XKR9: variants seen among roughly 807,000 people sequenced by gnomAD.
XKR9 encodes XK related 9.
A neutral mutation model predicts 32.0 loss-of-function variants in XKR9; 32 were observed. The ratio of observed to expected loss-of-function variants is 1.00; its 90% CI spans 0.76 to 1.34. XKR9 has a LOEUF of 1.34. XKR9 is among the 40% of genes most tolerant of loss of function. XKR9 has a pLI of 0.00. For synonymous variants in XKR9, 168 were observed against 143.4 expected (o/e 1.17, Z -1.22); for missense variants, 546 against 429.7 (o/e 1.27, Z -2.39).
At chr8:70,706,483 A>G (rs906862075) in intron 3 of XKR9, among the ~76,000 whole-genome samples, 4 of 152,124 alleles carry the variant, frequency 2.6e-5, no homozygotes, top group Admixed American at 2.0e-4. Context: ...GTTCAGATCA[A>G]TTGCATGAAT....
At chr8:70,950,029 G>T in the XKR9 span, among the ~76,000 whole-genome samples, 1 of 152,092 alleles carries the variant, frequency 6.6e-6, no homozygotes, top group Middle Eastern at 3.2e-3. Context: ...GCAGCCTTTC[G>T]CATTCCAGCA....
chr8:71,001,625 A>G, the XKR9 span, among the ~76,000 whole-genome samples: 1 of 152,120 alleles, frequency 6.6e-6, no homozygotes, highest in African/African-American at 2.4e-5. Context: ...ATGCTTACTC[A>G]AGTGAATCTA....
At chr8:70,938,269 G>T in the XKR9 span, among the ~76,000 whole-genome samples, 1 of 151,822 alleles carries the variant, frequency 6.6e-6, no homozygotes. Context: ...TGTGTATGCA[G>T]GTGTGCTTGT....
the XKR9 span, among the ~76,000 whole-genome samples, chr8:71,025,110 A>G: frequency 1.3e-5 from 2 of 152,238 alleles, no homozygotes; most frequent in Admixed American, 1.3e-4. Context: ...AAATAGGAGC[A>G]TAGAGACCTT....
the XKR9 span, among the ~76,000 whole-genome samples, chr8:70,885,433 A>G: frequency 5.9e-5 from 9 of 152,074 alleles, no homozygotes; most frequent in Non-Finnish European, 7.4e-5. Context: ...AAGTTCTGGG[A>G]TACATGTGCT....
chr8:70,673,209 C>A (rs1818775291), intron 1 of XKR9, among the ~76,000 whole-genome samples: 1 of 152,118 alleles, frequency 6.6e-6, no homozygotes. Context: ...TACGTTTAAT[C>A]CTTCTTGAGT....
At chr8:70,924,865 G>C in the XKR9 span, among the ~76,000 whole-genome samples, 3 of 152,198 alleles carry the variant, frequency 2.0e-5, no homozygotes, top group African/African-American at 7.2e-5. Context: ...CATTGTATGT[G>C]ACTACTTTTT....
chr8:71,049,218 G>A, the XKR9 span, among the ~76,000 whole-genome samples: 1 of 152,122 alleles, frequency 6.6e-6, no homozygotes, highest in Non-Finnish European at 1.5e-5. Context: ...CATTAAGTGA[G>A]GATTGATGGT....
At chr8:70,732,467 C>T (rs1344687473) in intron 4 of XKR9, among the ~76,000 whole-genome samples, 1 of 152,204 alleles carries the variant, frequency 6.6e-6, no homozygotes, top group African/African-American at 2.4e-5. Context: ...GGGCTGGCCT[C>T]TGGATCCATT....
At chr8:71,036,668 T>C in the XKR9 span, among the ~76,000 whole-genome samples, 1 of 152,212 alleles carries the variant, frequency 6.6e-6, no homozygotes, top group African/African-American at 2.4e-5. Flanking sequence ...TCAATCACAA[T>C]GGATGGTATG....
intron 4 of XKR9, among the ~76,000 whole-genome samples, chr8:70,714,612 T>G (rs1160959485): frequency 6.6e-6 from 1 of 152,128 alleles, no homozygotes; most frequent in Non-Finnish European, 1.5e-5. Context: ...CATTTTTCAA[T>G]TATTGTCAAA....
chr8:70,935,799 G>C, the XKR9 span, among the ~76,000 whole-genome samples: 3 of 151,970 alleles, frequency 2.0e-5, no homozygotes, highest in Admixed American at 1.3e-4. Flanking sequence ...GAATAATTCT[G>C]TTTGTTAGAG....
the XKR9 span, among the ~76,000 whole-genome samples, chr8:70,875,964 G>C: frequency 6.6e-6 from 1 of 151,948 alleles, no homozygotes; most frequent in Non-Finnish European, 1.5e-5. Flanking sequence ...GACTCCATCA[G>C]AAAAGCCAGG....
At chr8:70,925,398 G>C in the XKR9 span, among the ~76,000 whole-genome samples, 3 of 152,130 alleles carry the variant, frequency 2.0e-5, no homozygotes, top group Non-Finnish European at 4.4e-5. Context: ...GGAGGGATCA[G>C]TTTTTTCATG....
the XKR9 span, among the ~76,000 whole-genome samples, chr8:70,897,668 G>C: frequency 3.2e-4 from 48 of 152,202 alleles, 1 homozygote; most frequent in Non-Finnish European, 4.1e-4. Context: ...TTTGCCATTT[G>C]TATATCTCTT....
In XKR9 at chr8:70,734,167, T is replaced by C. The variant is rs757125209; in HGVS notation, c.865T>C (p.Cys289Arg). The stretch of plus-strand genomic sequence containing the variant: ...ACAGAATACCAAGTGTCCAATGTCT[T>C]GTTATTATATTGTTAGGGTACTGGG... ...KGQNTKCPMS[C>R]YYIVRVLGTL... The change falls in exon 5 of 5, where the codon TGT becomes CGT. Residue 289 changes from cysteine to arginine, a missense_variant. Transcript: ENST00000408926. The C allele has an allele frequency of 6.2e-7, 1 of 1,613,298 alleles. No individual in the cohort carries two copies. The highest frequency in any genetic ancestry group is 1.1e-5 in the South Asian group (1 of 91,022).
At chr8:70,883,115 T>C in the XKR9 span, among the ~76,000 whole-genome samples, 1 of 152,004 alleles carries the variant, frequency 6.6e-6, no homozygotes, top group African/African-American at 2.4e-5. Flanking sequence ...TATTCTTTTG[T>C]TCCTCACCCC....
chr8:70,717,757 A>G (rs1806140741), intron 4 of XKR9, among the ~76,000 whole-genome samples: 1 of 152,190 alleles, frequency 6.6e-6, no homozygotes, highest in Non-Finnish European at 1.5e-5. Context: ...TACTTATGCA[A>G]ATTCTGCAGT....
chr8:70,918,840 C>G, the XKR9 span, among the ~76,000 whole-genome samples: 1 of 123,280 alleles, frequency 8.1e-6, no homozygotes, highest in African/African-American at 3.2e-5. Context: ...TGCAGTGGCG[C>G]TGTCTCGGCT....
Sources: gnomAD v4.1 joint callset for allele counts (sites outside exome capture counted in the v4.1 genomes callset) on GRCh38, gnomAD v4.1.1 for gene constraint, MANE v1.5 for transcripts, NCBI Gene and HGNC (gene_info 2026-07-23, HGNC 2026-07-21) for gene names.